RERE: variants seen among roughly 807,000 people sequenced by gnomAD.
The protein encoded by RERE is arginine-glutamic acid dipeptide repeats protein.
RERE carries 40 observed loss-of-function variants against 146.1 expected under a neutral mutation model. The ratio of observed to expected loss-of-function variants is 0.27; its 90% CI spans 0.21 to 0.36. The LOEUF (loss-of-function observed/expected upper bound fraction) is 0.36. Among genes scored for constraint, RERE ranks in the 10% least tolerant of loss-of-function variants. The pLI is 1.00. For missense variants in RERE, 1,933 were observed against 2,138.7 expected (o/e 0.90, Z 1.90); for synonymous variants, 1,003 against 866.0 (o/e 1.16, Z -2.78).
chr1:8,523,592 G>A (rs949168625), intron 7 of RERE, among the ~76,000 whole-genome samples: 2 of 152,126 alleles, frequency 1.3e-5, no homozygotes, highest in Admixed American at 6.5e-5. Context: ...CAGAAGCCCT[G>A]AAGCAAGCCT....
chr1:8,378,550 T>G (rs1642341227), intron 12 of RERE, among the ~76,000 whole-genome samples: 1 of 151,984 alleles, frequency 6.6e-6, no homozygotes, highest in African/African-American at 2.4e-5. Flanking sequence ...GGTGTCCTTA[T>G]AAGAAGAGAT....
intron 11 of RERE, among the ~76,000 whole-genome samples, chr1:8,427,786 T>G (rs1307431206): frequency 6.6e-6 from 1 of 151,576 alleles, no homozygotes; most frequent in Non-Finnish European, 1.5e-5. Flanking sequence ...AAATGTAGAG[T>G]AGCCCTGAAA....
At chr1:8,576,754 CATT>C (rs1344380446) in intron 4 of RERE, among the ~76,000 whole-genome samples, 1 of 152,186 alleles carries the variant, frequency 6.6e-6, no homozygotes, top group Non-Finnish European at 1.5e-5. Flanking sequence ...AAAGGGTTGT[CATT>C]ATGTTTTACA....
intron 1 of RERE, among the ~76,000 whole-genome samples, chr1:8,757,907 T>TACATACAC (rs1460849162): frequency 5.4e-5 from 2 of 36,998 alleles, no homozygotes; most frequent in African/African-American, 1.5e-4. Flanking sequence ...CACACACACA[T>TACATACAC]ACATACACAC....
chr1:8,563,962 A>G (rs1042693301), intron 4 of RERE, among the ~76,000 whole-genome samples: 2 of 152,328 alleles, frequency 1.3e-5, no homozygotes, highest in South Asian at 2.1e-4. Context: ...TTAAGCATAC[A>G]GAGGGGGGAA....
Position 8,360,966 on chromosome 1 carries a change from G to T in RERE, c.2541C>A (p.His847Gln). 1 of 1,447,504 alleles carries T rather than the reference G, an allele frequency of 6.9e-7. No homozygotes were observed. Among genetic ancestry groups the T allele is most frequent in the Non-Finnish European group, 9.0e-7 (1 of 1,107,544 alleles). The allele number at this position is 1,447,504 out of a possible 1,614,324, so 89.7% of individuals were successfully genotyped here. A position where few individuals can be genotyped will look rare whatever the true frequency, so the allele number is the denominator to read the frequency against. The change falls in exon 18 of 23, where the codon CAC becomes CAA. Residue 847 changes from histidine (H) to glutamine (Q), a missense_variant. By Grantham distance (24) the His-to-Gln change is conservative. Coordinates refer to ENST00000400908, the MANE Select transcript of RERE (RefSeq NM_001042681.2). ...TGTGAGGGCCGGGTGGGCCCTGACC[G>T]TGCAGTGGGGGCTGGGCATGAGAGG... ...SAPSHAQPPL[H>Q]GQGPPGPHSL...
At chr1:8,554,690 A>C (rs1436966481) in intron 6 of RERE, among the ~76,000 whole-genome samples, 1 of 151,606 alleles carries the variant, frequency 6.6e-6, no homozygotes, top group Non-Finnish European at 1.5e-5. Context: ...AAAAAAAAAA[A>C]AAAAAAAAGA....
intron 12 of RERE, among the ~76,000 whole-genome samples, chr1:8,412,967 T>C (rs1248694158): frequency 6.6e-6 from 1 of 152,218 alleles, no homozygotes; most frequent in Non-Finnish European, 1.5e-5. Context: ...GATTTTTTTT[T>C]CCTTTGGTCT....
At chr1:8,604,863 T>C (rs1038008) in intron 4 of RERE, among the ~76,000 whole-genome samples, 128,679 of 152,266 alleles carry the variant, frequency 0.85, 54,651 homozygotes, top group East Asian at 0.95. Flanking sequence ...ACATAAAACA[T>C]CTGCTTCTGT....
At chr1:8,598,103 AC>A (rs1161746299) in intron 4 of RERE, among the ~76,000 whole-genome samples, 1 of 152,184 alleles carries the variant, frequency 6.6e-6, no homozygotes, top group African/African-American at 2.4e-5. Context: ...CAAGCTGAAA[AC>A]CCTAGATGTG....
rs747772067 is a variant in RERE at position 8,364,871 on chromosome 1, G to GA, written c.1448-34dup. 1.8e-6 allele frequency: 2 copies of GA among 1,101,712 alleles called. No homozygotes were observed. The highest frequency in any genetic ancestry group is 2.4e-5 in the South Asian group (2 of 82,056). The allele number at this position is 1,101,712 out of a possible 1,614,324, so 68.2% of individuals were successfully genotyped here. ...TGGCAGGCACATAGTGGGGGTGGGGGAGACACCATCATGCTCAGCCAAGGC... is the reference window on the plus strand; with the variant it reads ...TGGCAGGCACATAGTGGGGGTGGGGGAAGACACCATCATGCTCAGCCAAGGC... On this transcript the variant is annotated intron_variant, in intron 13 of 22. Transcript: ENST00000400908. The surrounding 1 kb of genome is among the most constrained non-coding windows in gnomAD (Gnocchi z 5.1).
At chr1:8,441,650 T>C (rs888753272) in intron 11 of RERE, among the ~76,000 whole-genome samples, 28 of 152,208 alleles carry the variant, frequency 1.8e-4, no homozygotes, top group African/African-American at 6.8e-4. Flanking sequence ...AATTATACTT[T>C]TGGCATTATT....
At chr1:8,545,286 G>T (rs968000965) in intron 6 of RERE, among the ~76,000 whole-genome samples, 1 of 152,156 alleles carries the variant, frequency 6.6e-6, no homozygotes, top group African/African-American at 2.4e-5. Flanking sequence ...AGTAAAAAAG[G>T]CGTCCCGGAA....
intron 2 of RERE, among the ~76,000 whole-genome samples, chr1:8,634,497 C>T (rs775957053): frequency 1.3e-5 from 2 of 152,208 alleles, no homozygotes; most frequent in Non-Finnish European, 2.9e-5. Flanking sequence ...TAATACACTT[C>T]ATTAAATTCT....
At position 8,364,728 on chromosome 1, in the gene RERE, C is replaced by T. The variant is rs747944482; in HGVS notation, c.1540+18G>A. The stretch of plus-strand genomic sequence containing the variant: ...TTGTGCCCCCGCCCCGCCCCAGGAG[C>T]GTGACGAGGCCACTTACTGGTGGTG... On this transcript the variant is annotated intron_variant, in intron 14 of 22. Transcript: ENST00000400908. The surrounding 1 kb of genome is among the most constrained non-coding windows in gnomAD (Gnocchi z 5.1). The T allele has an allele frequency of 1.4e-5, 23 of 1,592,276 alleles. No individual in the cohort carries two copies. In the East Asian group the frequency reaches 1.8e-4, roughly 12 times the overall value.
At chr1:8,659,977 A>G (rs1480920495) in intron 1 of RERE, among the ~76,000 whole-genome samples, 1 of 152,162 alleles carries the variant, frequency 6.6e-6, no homozygotes, top group Non-Finnish European at 1.5e-5. Context: ...GTATATGTGT[A>G]TATTTATAAA....
At position 8,359,849 on chromosome 1, in the gene RERE, G is replaced by T; in HGVS notation, c.3533C>A (p.Ala1178Asp). 1 of 1,611,146 alleles carries T rather than the reference G, an allele frequency of 6.2e-7. No homozygotes were observed. The highest frequency in any genetic ancestry group is 8.5e-7 in the Non-Finnish European group (1 of 1,179,928). Residue 1178 changes from alanine (A) to aspartate (D), a missense_variant, in exon 19 of 23, where the codon GCC becomes GAC. By Grantham distance (126) the Ala-to-Asp change is moderately radical. Around this residue, in one of 11 missense-constraint regions of RERE, gnomAD observed 1,255 missense variants for 1,153.8 expected, o/e 1.09. Coordinates refer to ENST00000400908, the MANE Select transcript of RERE (RefSeq NM_001042681.2). Reference sequence around the variant, plus strand: ...CTTCTCCCGCTCTCGCTCCTCTCGGGCTTTCTGCTCAGCCTCGCGCTTGGC... The same window carrying T: ...CTTCTCCCGCTCTCGCTCCTCTCGGTCTTTCTGCTCAGCCTCGCGCTTGGC... ...EKAKREAEQK[A>D]REEREREKEK...
At chr1:8,538,245 G>A (rs970626626) in intron 7 of RERE, among the ~76,000 whole-genome samples, 4 of 152,086 alleles carry the variant, frequency 2.6e-5, no homozygotes, top group Non-Finnish European at 4.4e-5. Context: ...ATAACTCAGG[G>A]CACTAAGAGT....
At chr1:8,701,320 A>G (rs1157961246) in intron 1 of RERE, among the ~76,000 whole-genome samples, 2 of 32,568 alleles carry the variant, frequency 6.1e-5, no homozygotes, top group South Asian at 7.1e-4. Flanking sequence ...ACACACACAC[A>G]CACGCACACA....
Sources: allele counts gnomAD v4.1 joint callset (sites outside exome capture counted in the v4.1 genomes callset), GRCh38; gene constraint gnomAD v4.1.1; regional missense constraint gnomAD v4.1.1; non-coding constraint Gnocchi (gnomAD v3.1); transcripts MANE v1.5; gene names NCBI Gene and HGNC (gene_info 2026-07-23, HGNC 2026-07-21).